SCN3A: variants seen among roughly 807,000 people sequenced by gnomAD.
SCN3A encodes the protein sodium voltage-gated channel alpha subunit 3, also known as sodium channel protein type 3 subunit alpha.
A neutral mutation model predicts 187.6 loss-of-function variants in SCN3A; 60 were observed. The observed-to-expected ratio is 0.32, with a 90% CI of 0.26 to 0.40. The LOEUF (loss-of-function observed/expected upper bound fraction) is 0.40, where lower values mean the gene tolerates loss of function less well. Ranked by LOEUF, SCN3A falls within the 10% of genes least tolerant of loss-of-function variation. The probability of loss-of-function intolerance (pLI) is 1.00; values close to 1 mark genes in which losing one functional copy is unlikely to be tolerated. For missense variants in SCN3A, 1,601 were observed against 2,428.2 expected (o/e 0.66, Z 7.16); for synonymous variants, 788 against 829.2 (o/e 0.95, Z 0.85).
intron 22 of SCN3A, among the ~76,000 whole-genome samples, chr2:165,099,922 G>A (rs1370569751): frequency 6.6e-6 from 1 of 152,154 alleles, no homozygotes; most frequent in African/African-American, 2.4e-5. Context: ...TTCATTGCCA[G>A]TAATTTTGAA....
rs887272280 is a variant in SCN3A at position 165,113,697 on chromosome 2, C to G, written c.3669+119G>C. On this transcript the variant is annotated intron_variant, in intron 20 of 27. Transcript: ENST00000283254. ...ATCGTTAAACCTTGGGTGCCAAGCT[C>G]TGCAAGACACAGATATGCCTTTTCT... 4 of 1,125,580 alleles carry G rather than the reference C, an allele frequency of 3.6e-6. No individual in the cohort carries two copies. The African/African-American group carries it at 4.6e-5, about 13-fold the overall frequency. 69.7% of individuals were successfully genotyped at this position (1,125,580 alleles called of 1,614,324 possible).
chr2:165,154,546 T>A lies in SCN3A; in HGVS notation c.1286A>T (p.Glu429Val). The change falls in exon 11 of 28, where the codon GAG (glutamate) becomes GTG (valine). Residue 429 changes from glutamate (E) to valine (V), a missense_variant. Glu to Val is a moderately radical substitution (Grantham distance 121, BLOSUM62 -2). Around this residue, in one of 11 missense-constraint regions of SCN3A, gnomAD observed 376 missense variants for 476.0 expected, o/e 0.79. Coordinates refer to ENST00000283254, the MANE Select transcript of SCN3A (RefSeq NM_006922.4). ...TTCTTCCAAGGTGGCCTGATTCTGC[T>A]CCTCATAGGCCATGGCCACCACAGC... is the stretch of plus-strand genomic sequence containing the variant. ...ILAVVAMAYE[E>V]QNQATLEEAE... 6.2e-7 allele frequency: 1 copy of A among 1,614,058 alleles called. No individual in the cohort carries two copies. The highest frequency in any genetic ancestry group is 8.5e-7 in the Non-Finnish European group (1 of 1,179,996).
chr2:165,117,313 G>A (rs1229680863), intron 18 of SCN3A, among the ~76,000 whole-genome samples: 1 of 151,758 alleles, frequency 6.6e-6, no homozygotes, highest in African/African-American at 2.4e-5. Flanking sequence ...TTGTCCTCTT[G>A]GCTAATCCAA....
intron 18 of SCN3A, among the ~76,000 whole-genome samples, chr2:165,116,870 A>T (rs1291733107): frequency 5.3e-5 from 8 of 150,866 alleles, no homozygotes; most frequent in Non-Finnish European, 1.5e-5. Context: ...AGTACCTCCT[A>T]GGTTGGAGTA....
In SCN3A at chr2:165,140,815, C is replaced by T. The variant is rs577018955; in HGVS notation, c.1855G>A (p.Glu619Lys). The stretch of plus-strand genomic sequence containing the variant: ...TGACTAACGTTACTGTTGCGTCGCT[C>T]TCCATGTCTGTGCGGCACAAACAGT... ...DSLFVPHRHGERRNSNVSQAS... is the reference protein window; with the variant it reads ...DSLFVPHRHGKRRNSNVSQAS... Residue 619 changes from glutamate (E) to lysine (K), a missense_variant, in exon 13 of 28, where the codon GAG (glutamate) becomes AAG (lysine). Glu to Lys is a moderately conservative substitution (Grantham distance 56, BLOSUM62 1). Transcript: ENST00000283254. This position sits in a 1 kb window ranked among gnomAD's most constrained non-coding sequence, Gnocchi z 4.2. The T allele has an allele frequency of 5.6e-6, 9 of 1,614,146 alleles. No individual in the cohort carries two copies. The highest frequency in any genetic ancestry group is 2.7e-5 in the African/African-American group (2 of 75,050).
chr2:165,115,391 G>A lies in SCN3A; in HGVS notation c.3514+64C>T. ...TTCATAAATTTTTTTTTTTAAATGA[G>A]GCATATTCAGTCTCCGTAAAGAACA... On this transcript the variant is annotated intron_variant, in intron 19 of 27. Transcript: ENST00000283254. The A allele has an allele frequency of 1.1e-5, 18 of 1,602,862 alleles. No individual in the cohort carries two copies. In the South Asian group the frequency reaches 1.9e-4, roughly 17 times the overall value.
intron 18 of SCN3A, among the ~76,000 whole-genome samples, chr2:165,126,502 CCTTCT>C (rs1330575262): frequency 2.2e-5 from 3 of 139,522 alleles, no homozygotes; most frequent in African/African-American, 5.4e-5. Context: ...TTCTTTCTTT[CCTTCT>C]TTTTTTCTCT....
rs1243713116 is a variant in SCN3A, at chr2:165,147,645, AC to A, written c.1381-617del. Among the ~76,000 whole-genome samples, 53 of 152,224 alleles carry A rather than the reference AC, an allele frequency of 3.5e-4. 1 individual carries two copies. Among genetic ancestry groups the A allele is most frequent in the Admixed American group, 2.4e-3 (36 of 15,276 alleles). ...ACTCCCAGAGAATTTATTACATATC[AC>A]TTAAAAAATGTTAAACGTTCATAGA... On this transcript the variant is annotated intron_variant, in intron 11 of 27. Transcript: ENST00000283254.
chr2:165,130,504 A>T, intron 16 of SCN3A: 2 of 580,314 alleles, frequency 3.4e-6, no homozygotes, highest in South Asian at 4.6e-5. Context: ...TGCAAAAATA[A>T]AAATAAAACA....
chr2:165,139,740 T>C (rs905557294), intron 13 of SCN3A, 132 bp from the exon 14 acceptor site: 1 of 1,142,348 alleles, frequency 8.8e-7, no homozygotes, highest in Non-Finnish European at 1.3e-6. Context: ...AAATATTGAA[T>C]TATTGCTAAG....
At chr2:165,097,896 A>T (rs1685433852) in intron 22 of SCN3A, among the ~76,000 whole-genome samples, 1 of 152,212 alleles carries the variant, frequency 6.6e-6, no homozygotes, top group East Asian at 1.9e-4. Context: ...AGTGTTAATG[A>T]ATGAATGATA....
chr2:165,189,399 T>A lies in SCN3A; in HGVS notation c.-247-2652A>T, dbSNP rs866958205. Reference sequence around the variant, plus strand: ...CTTTGCTTTCAGATGACCTAATACATTTATTGGATCTGGAAATCCCCCAAA... The same window carrying A: ...CTTTGCTTTCAGATGACCTAATACAATTATTGGATCTGGAAATCCCCCAAA... On this transcript the variant is annotated intron_variant, in intron 1 of 27. Coordinates refer to ENST00000283254, the MANE Select transcript of SCN3A (RefSeq NM_006922.4). 2.6e-4 allele frequency among the ~76,000 whole-genome samples: 40 copies of A among 152,328 alleles called. No individual in the cohort carries two copies. The Middle Eastern group carries it at 0.017, about 65-fold the overall frequency.
intron 10 of SCN3A, among the ~76,000 whole-genome samples, chr2:165,155,483 T>C (rs963916380): frequency 4.6e-5 from 7 of 152,064 alleles, no homozygotes; most frequent in Admixed American, 4.6e-4. Context: ...CACTGCAACC[T>C]CCACCTCCTG....
chr2:165,194,343 A>T (rs1691803994), intron 1 of SCN3A, among the ~76,000 whole-genome samples: 1 of 152,130 alleles, frequency 6.6e-6, no homozygotes, highest in Non-Finnish European at 1.5e-5. Context: ...GGGACTCTGT[A>T]CTAGGCTTAC....
chr2:165,196,338 C>A (rs73021834), intron 1 of SCN3A, among the ~76,000 whole-genome samples: 8,391 of 152,106 alleles, frequency 0.055, 614 homozygotes, highest in African/African-American at 0.17. Flanking sequence ...GCACCAGCGA[C>A]CTGCCTCAAA....
chr2:165,178,743 G>A (rs1002387443), intron 2 of SCN3A, among the ~76,000 whole-genome samples: 1 of 151,826 alleles, frequency 6.6e-6, no homozygotes, highest in African/African-American at 2.4e-5. Context: ...TTCTCCATCA[G>A]GTTGTATAGT....
rs369720053 is a variant in SCN3A at position 165,140,811 on chromosome 2, C to G, written c.1859G>C (p.Arg620Pro). 6.2e-7 allele frequency: 1 copy of G among 1,614,126 alleles called. No homozygotes were observed. Among genetic ancestry groups the G allele is most frequent in the African/African-American group, 1.3e-5 (1 of 75,044 alleles). Reference sequence around the variant, plus strand: ...GGCCTGACTAACGTTACTGTTGCGTCGCTCTCCATGTCTGTGCGGCACAAA... The same window carrying G: ...GGCCTGACTAACGTTACTGTTGCGTGGCTCTCCATGTCTGTGCGGCACAAA... ...SLFVPHRHGE[R>P]RNSNVSQASM... Residue 620 changes from arginine to proline, a missense_variant, in exon 13 of 28, where the codon CGA becomes CCA. Coordinates refer to ENST00000283254, the MANE Select transcript of SCN3A (RefSeq NM_006922.4). This position sits in a 1 kb window ranked among gnomAD's most constrained non-coding sequence, Gnocchi z 4.2.
chr2:165,099,608 T>G (rs1479874083), intron 22 of SCN3A, among the ~76,000 whole-genome samples: 2 of 152,156 alleles, frequency 1.3e-5, no homozygotes, highest in Admixed American at 6.5e-5. Flanking sequence ...TCCCAGCTAC[T>G]CAGGAGGCTG....
intron 19 of SCN3A, 48 bp downstream of exon 19, chr2:165,115,407 G>A (rs770571181): frequency 1.6e-5 from 25 of 1,610,490 alleles, no homozygotes; most frequent in Middle Eastern, 3.3e-4. Flanking sequence ...TTCAGTCTCC[G>A]TAAAGAACAA....
Sources: allele counts gnomAD v4.1 joint callset (sites outside exome capture counted in the v4.1 genomes callset), GRCh38; gene constraint gnomAD v4.1.1; regional missense constraint gnomAD v4.1.1; non-coding constraint Gnocchi (gnomAD v3.1); transcripts MANE v1.5; gene names NCBI Gene and HGNC (gene_info 2026-07-23, HGNC 2026-07-21).